ABL1: variants seen among roughly 807,000 people sequenced by gnomAD.
The protein encoded by ABL1 is tyrosine-protein kinase ABL1.
A neutral mutation model predicts 94.7 loss-of-function variants in ABL1; 11 were observed. That is an observed-to-expected ratio of 0.12 (90% CI 0.07 to 0.19). The LOEUF is 0.19. Among genes scored for constraint, ABL1 ranks in the 10% least tolerant of loss-of-function variants. The probability of loss-of-function intolerance (pLI) is 1.00; values close to 1 mark genes in which losing one functional copy is unlikely to be tolerated. For synonymous variants in ABL1, 656 were observed against 622.4 expected (o/e 1.05, Z -0.80); for missense variants, 1,082 against 1,489.4 (o/e 0.73, Z 4.50).
At chr9:130,859,905 G>A (rs551695297) in intron 3 of ABL1, among the ~76,000 whole-genome samples, 3 of 151,752 alleles carry the variant, frequency 2.0e-5, no homozygotes, top group African/African-American at 2.4e-5. Flanking sequence ...GGTTTCGAAC[G>A]CCTGACCTCG....
intron 1 of ABL1, among the ~76,000 whole-genome samples, chr9:130,781,222 G>C (rs370600992): frequency 6.6e-6 from 1 of 152,146 alleles, no homozygotes; most frequent in African/African-American, 2.4e-5. Flanking sequence ...CTTGAGTGGC[G>C]TACCTTAAAC....
At chr9:130,714,652 A>AT in intron 1 of ABL1, 2 of 738,700 alleles carry the variant, frequency 2.7e-6, no homozygotes, top group South Asian at 3.1e-5. Context: ...TTCAAAATCT[A>AT]TTTGAGTTGC....
At chr9:130,732,190 T>C (rs1831674811) in intron 1 of ABL1, among the ~76,000 whole-genome samples, 1 of 152,202 alleles carries the variant, frequency 6.6e-6, no homozygotes, top group African/African-American at 2.4e-5. Flanking sequence ...ATTGAACAAG[T>C]ACTAAGTGCC....
intron 1 of ABL1, among the ~76,000 whole-genome samples, chr9:130,807,523 A>C (rs1435607007): frequency 6.6e-6 from 1 of 151,954 alleles, no homozygotes; most frequent in African/African-American, 2.4e-5. Context: ...TACAGGCTTA[A>C]GCTACCACGC....
chr9:130,833,503 G>A (rs1190644875), upstream of ABL1, among the ~76,000 whole-genome samples: 1 of 152,192 alleles, frequency 6.6e-6, no homozygotes, highest in East Asian at 1.9e-4. Flanking sequence ...ATCCTAGAAA[G>A]CATCCAGAGT....
At chr9:130,735,719 G>T (rs1236241715) in intron 1 of ABL1, among the ~76,000 whole-genome samples, 3 of 151,102 alleles carry the variant, frequency 2.0e-5, no homozygotes, top group Admixed American at 2.0e-4. Context: ...CTGGACTTTT[G>T]GAGTGTTTCC....
At chr9:130,842,664 C>T (rs1377542799) in intron 1 of ABL1, among the ~76,000 whole-genome samples, 1 of 152,150 alleles carries the variant, frequency 6.6e-6, no homozygotes, top group Non-Finnish European at 1.5e-5. Flanking sequence ...CAGCTGACCC[C>T]GGAGTCCATG....
At chr9:130,785,846 C>G (rs1017650117) in intron 1 of ABL1, among the ~76,000 whole-genome samples, 6 of 150,938 alleles carry the variant, frequency 4.0e-5, no homozygotes, top group African/African-American at 1.2e-4. Flanking sequence ...TCGCTTGAAC[C>G]CGGGAGATGG....
chr9:130,786,711 C>T (rs1829830732), intron 1 of ABL1, among the ~76,000 whole-genome samples: 1 of 152,158 alleles, frequency 6.6e-6, no homozygotes, highest in African/African-American at 2.4e-5. Flanking sequence ...CCTAGTGCGG[C>T]AAGCAGCTCT....
intron 1 of ABL1, among the ~76,000 whole-genome samples, chr9:130,722,184 G>A (rs1831525174): frequency 6.6e-6 from 1 of 152,062 alleles, no homozygotes; most frequent in African/African-American, 2.4e-5. Context: ...CCTGAAGTCA[G>A]GAGTTCGAGA....
At chr9:130,721,797 A>T (rs1831517067) in intron 1 of ABL1, among the ~76,000 whole-genome samples, 1 of 150,368 alleles carries the variant, frequency 6.7e-6, no homozygotes, top group Non-Finnish European at 1.5e-5. Flanking sequence ...TAGGCATTAA[A>T]GTTAAATTTG....
At chr9:130,750,237 C>G (rs541731204) in intron 1 of ABL1, among the ~76,000 whole-genome samples, 31 of 105,852 alleles carry the variant, frequency 2.9e-4, no homozygotes, top group South Asian at 2.2e-3. Flanking sequence ...ATATATATAT[C>G]CAAGTATAAG....
At chr9:130,869,440 G>GA (rs1326347245) in intron 4 of ABL1, among the ~76,000 whole-genome samples, 1 of 152,220 alleles carries the variant, frequency 6.6e-6, no homozygotes, top group African/African-American at 2.4e-5. Context: ...AACAGGCTCA[G>GA]AGAAGGTGAG....
chr9:130,781,308 TG>T (rs1375806056), intron 1 of ABL1, among the ~76,000 whole-genome samples: 1 of 152,204 alleles, frequency 6.6e-6, no homozygotes, highest in Non-Finnish European at 1.5e-5. Flanking sequence ...GTGATTGGTT[TG>T]GGAGGGCACT....
intron 1 of ABL1, among the ~76,000 whole-genome samples, chr9:130,718,208 C>T (rs987883743): frequency 1.3e-5 from 2 of 151,408 alleles, no homozygotes; most frequent in Non-Finnish European, 1.5e-5. Flanking sequence ...ATCTCAGCTA[C>T]TCAGGAGGCT....
chr9:130,864,545 C>G (rs1015279160), intron 4 of ABL1, among the ~76,000 whole-genome samples: 1 of 152,186 alleles, frequency 6.6e-6, no homozygotes, highest in African/African-American at 2.4e-5. Flanking sequence ...ACACCCGGCC[C>G]TGGACTTTTT....
At chr9:130,819,032 C>G (rs1830324933) in intron 1 of ABL1, among the ~76,000 whole-genome samples, 2 of 152,144 alleles carry the variant, frequency 1.3e-5, no homozygotes, top group Admixed American at 1.3e-4. Context: ...GCTTCTTTCT[C>G]AAGACTGTGC....
chr9:130,856,040 C>T (rs527302731), intron 3 of ABL1, among the ~76,000 whole-genome samples: 22 of 152,212 alleles, frequency 1.4e-4, no homozygotes, highest in African/African-American at 4.6e-4. Flanking sequence ...CTTAGCCTTC[C>T]GAGTAGTTGG....
chr9:130,873,155 G>C, intron 6 of ABL1, 118 bp downstream of exon 6: 2 of 1,063,392 alleles, frequency 1.9e-6, no homozygotes, highest in Non-Finnish European at 1.3e-6. Context: ...CTCAGTGCTG[G>C]CAACACATTG....
Sources: allele counts gnomAD v4.1 joint callset (sites outside exome capture counted in the v4.1 genomes callset), GRCh38; gene constraint gnomAD v4.1.1; transcripts MANE v1.5; gene names NCBI Gene and HGNC (gene_info 2026-07-23, HGNC 2026-07-21).